HPSE2: variants seen among roughly 807,000 people sequenced by gnomAD.
The protein encoded by HPSE2 is inactive heparanase-2.
Under a neutral mutation model 60.5 loss-of-function variants are expected in HPSE2, and 38 were observed. That is an observed-to-expected ratio of 0.63 (90% CI 0.48 to 0.82). HPSE2 has a LOEUF of 0.82. Ranked by LOEUF, HPSE2 falls within the 40% of genes least tolerant of loss-of-function variation. The pLI, the probability that HPSE2 is intolerant of heterozygous loss-of-function variation, is 0.00. For missense variants in HPSE2, 713 were observed against 740.4 expected, an observed-to-expected ratio of 0.96 and a Z score of 0.43; for synonymous variants, 295 against 293.2, an observed-to-expected ratio of 1.01 and a Z score of -0.06.
intron 3 of HPSE2, among the ~76,000 whole-genome samples, chr10:98,973,297 A>ACC (rs1956004224): frequency 6.6e-6 from 1 of 152,170 alleles, no homozygotes. Flanking sequence ...TAAGCTATAT[A>ACC]CCCATGATTA....
intron 3 of HPSE2, among the ~76,000 whole-genome samples, chr10:98,912,950 C>A (rs1954020530): frequency 6.6e-6 from 1 of 152,078 alleles, no homozygotes; most frequent in African/African-American, 2.4e-5. Flanking sequence ...TTGTTTGAAT[C>A]ACAACGGATA....
intron 3 of HPSE2, among the ~76,000 whole-genome samples, chr10:98,793,722 T>C (rs1355672657): frequency 1.3e-5 from 2 of 152,208 alleles, no homozygotes; most frequent in African/African-American, 4.8e-5. Flanking sequence ...TGCTGTGAGA[T>C]GAGGTGTTAA....
At chr10:99,169,499 C>T (rs1242559149) in intron 2 of HPSE2, among the ~76,000 whole-genome samples, 1 of 72,948 alleles carries the variant, frequency 1.4e-5, no homozygotes, top group African/African-American at 5.9e-5. Context: ...AGCAAGACTC[C>T]GTCTCAAAAA....
chr10:98,544,729 A>G, intron 9 of HPSE2, among the ~76,000 whole-genome samples: 1 of 149,526 alleles, frequency 6.7e-6, no homozygotes, highest in South Asian at 2.1e-4. Flanking sequence ...AAAAAAAAAA[A>G]AAAAAAAAAA....
At chr10:99,063,072 C>T (rs1842501773) in intron 3 of HPSE2, among the ~76,000 whole-genome samples, 1 of 152,112 alleles carries the variant, frequency 6.6e-6, no homozygotes, top group South Asian at 2.1e-4. Context: ...CACTGAAGCC[C>T]TATGAACCTC....
At chr10:98,626,688 G>A (rs1243890818) in intron 7 of HPSE2, among the ~76,000 whole-genome samples, 2 of 152,148 alleles carry the variant, frequency 1.3e-5, no homozygotes, top group Non-Finnish European at 2.9e-5. Context: ...GATGTTAAAT[G>A]AAATGAAATT....
intron 5 of HPSE2, among the ~76,000 whole-genome samples, chr10:98,701,917 C>A (rs1948421623): frequency 6.6e-6 from 1 of 152,084 alleles, no homozygotes; most frequent in Non-Finnish European, 1.5e-5. Flanking sequence ...GCAAAATAAC[C>A]AGATAGCATC....
intron 7 of HPSE2, among the ~76,000 whole-genome samples, chr10:98,621,738 C>A (rs949247434): frequency 1.3e-5 from 2 of 152,236 alleles, no homozygotes; most frequent in African/African-American, 4.8e-5. Flanking sequence ...CCCCTTGCCC[C>A]TCTATCCCTA....
chr10:98,462,622 G>GTTTTCCTCCA (rs1302684988), intron 11 of HPSE2, among the ~76,000 whole-genome samples: 1 of 152,074 alleles, frequency 6.6e-6, no homozygotes, highest in Non-Finnish European at 1.5e-5. Context: ...ATTTCTCTCT[G>GTTTTCCTCCA]TTTTCCTCCA....
intron 3 of HPSE2, among the ~76,000 whole-genome samples, chr10:98,791,240 G>A (rs1433986168): frequency 6.6e-6 from 1 of 152,124 alleles, no homozygotes; most frequent in Non-Finnish European, 1.5e-5. Flanking sequence ...AGGGAGACTG[G>A]CATTAGAACT....
intron 3 of HPSE2, among the ~76,000 whole-genome samples, chr10:98,980,585 C>T (rs1956183135): frequency 6.6e-6 from 1 of 152,164 alleles, no homozygotes; most frequent in Non-Finnish European, 1.5e-5. Flanking sequence ...ACAGTTCGAA[C>T]AGTCAGCAGT....
chr10:98,713,476 C>T (rs1948722768), intron 5 of HPSE2, among the ~76,000 whole-genome samples: 1 of 151,680 alleles, frequency 6.6e-6, no homozygotes, highest in African/African-American at 2.4e-5. Context: ...TGCCATCACC[C>T]ACCGAAACCA....
the HPSE2 span, among the ~76,000 whole-genome samples, chr10:99,307,831 C>CGT: frequency 7.3e-6 from 1 of 136,536 alleles, no homozygotes; most frequent in South Asian, 2.4e-4. Flanking sequence ...CTAGTAAATG[C>CGT]GCACACACAC....
intron 9 of HPSE2, among the ~76,000 whole-genome samples, chr10:98,548,878 CA>C (rs1358344474): frequency 2.0e-4 from 30 of 152,262 alleles, no homozygotes; most frequent in African/African-American, 7.2e-4. Context: ...GTAAGAGGAT[CA>C]GTCTTTCAAT....
intron 9 of HPSE2, among the ~76,000 whole-genome samples, chr10:98,590,112 C>A (rs1945047525): frequency 6.6e-6 from 1 of 152,246 alleles, no homozygotes; most frequent in Non-Finnish European, 1.5e-5. Context: ...GGGTTTACTG[C>A]ATGTTCTAAC....
chr10:98,998,345 A>G (rs559168660), intron 3 of HPSE2, among the ~76,000 whole-genome samples: 15 of 152,308 alleles, frequency 9.8e-5, no homozygotes, highest in African/African-American at 3.4e-4. Context: ...TTTTCCTGTG[A>G]TAGTCTTAAA....
In HPSE2 at chr10:98,482,665, C is replaced by T. The variant is rs372194163; in HGVS notation, c.1584G>A (p.Gln528=). The T allele has an allele frequency of 6.2e-7, 1 of 1,614,170 alleles. No homozygotes were observed. Among genetic ancestry groups the T allele is most frequent in the Non-Finnish European group, 8.5e-7 (1 of 1,180,048 alleles). The change falls in exon 11 of 12, where the codon CAG becomes CAA. Residue 528 remains glutamine, a synonymous_variant. Coordinates refer to ENST00000370552, the MANE Select transcript of HPSE2 (RefSeq NM_021828.5). ...RDKLVHQYLL[Q]PYGQEGLKSK... is the part of the protein sequence containing the mutation. ...ACTTTAGGCCCTCCTGCCCATAGGGCTGCAGCAGGTACTGGTGAACCAGCT... is the reference window on the plus strand; with the variant it reads ...ACTTTAGGCCCTCCTGCCCATAGGGTTGCAGCAGGTACTGGTGAACCAGCT...
At chr10:98,881,656 C>G (rs1590002513) in intron 3 of HPSE2, among the ~76,000 whole-genome samples, 1 of 152,058 alleles carries the variant, frequency 6.6e-6, no homozygotes, top group Admixed American at 6.6e-5. Flanking sequence ...ATAACTATTG[C>G]TTTCTATATC....
intron 3 of HPSE2, among the ~76,000 whole-genome samples, chr10:98,848,239 G>A (rs993369412): frequency 3.9e-5 from 6 of 152,180 alleles, no homozygotes; most frequent in African/African-American, 9.6e-5. Context: ...CTAACATGGC[G>A]AAAGCCCGTC....
Sources: gnomAD v4.1 joint callset for allele counts (sites outside exome capture counted in the v4.1 genomes callset) on GRCh38, gnomAD v4.1.1 for gene constraint, MANE v1.5 for transcripts, NCBI Gene and HGNC (gene_info 2026-07-23, HGNC 2026-07-21) for gene names.